The following PRH1 variants were observed in gnomAD, a reference collection of about 807,000 sequenced individuals.
PRH1 encodes proline rich protein HaeIII subfamily 1.
Under a neutral mutation model 7.9 loss-of-function variants are expected in PRH1, and 7 were observed. The ratio of observed to expected loss-of-function variants is 0.89; its 90% CI spans 0.50 to 1.67. The LOEUF (loss-of-function observed/expected upper bound fraction) is 1.67. PRH1 is among the 40% of genes most tolerant of loss of function. The probability of loss-of-function intolerance (pLI) is 0.00; values close to 1 mark genes in which losing one functional copy is unlikely to be tolerated. For missense variants in PRH1, 109 were observed against 223.6 expected (o/e 0.49, Z 3.27); for synonymous variants, 45 against 80.8 (o/e 0.56, Z 2.38).
At chr12:10,896,539 A>C (rs1949647478) in intron 2 of PRH1, among the ~76,000 whole-genome samples, 1 of 152,154 alleles carries the variant, frequency 6.6e-6, no homozygotes, top group Non-Finnish European at 1.5e-5. Flanking sequence ...AGGCAGGTGG[A>C]TCACCTGAGG....
chr12:11,041,288 C>CAAAAAAAAA (rs67144212), intron 1 of PRH1, among the ~76,000 whole-genome samples: 3 of 81,374 alleles, frequency 3.7e-5, no homozygotes, highest in African/African-American at 1.1e-4. Flanking sequence ...CAATGCAAAC[C>CAAAAAAAAA]AAAAAAAAAA....
At position 10,910,594 on chromosome 12, in the gene PRH1, A is replaced by G. The variant is rs112495385; in HGVS notation, c.-58-26319T>C. Among the ~76,000 whole-genome samples, 918 of 152,302 alleles carry G rather than the reference A, an allele frequency of 6.0e-3. 8 individuals are homozygous for G. Among genetic ancestry groups the G allele is most frequent in the African/African-American group, 0.021 (871 of 41,566 alleles). On this transcript the variant is annotated intron_variant, in intron 2 of 3. Transcript: ENST00000539853. Reference sequence around the variant, plus strand: ...ACTGTGGTTGACCTTGGGTCACTGAAACTGCAGATAAGCGGGGACTAATGT... The same window carrying G: ...ACTGTGGTTGACCTTGGGTCACTGAGACTGCAGATAAGCGGGGACTAATGT...
intron 1 of PRH1, among the ~76,000 whole-genome samples, chr12:10,987,783 G>T (rs963095788): frequency 1.3e-5 from 2 of 152,044 alleles, no homozygotes; most frequent in Admixed American, 6.5e-5. Flanking sequence ...TAATGTTTAA[G>T]TATTTATTAT....
chr12:10,923,432 G>A (rs988047784), intron 2 of PRH1, among the ~76,000 whole-genome samples: 3 of 152,110 alleles, frequency 2.0e-5, no homozygotes, highest in Non-Finnish European at 4.4e-5. Context: ...CCCAGCCTTC[G>A]ATGAATTGTT....
rs1012269965 is a variant in PRH1, at chr12:11,091,208, ACAGTATAGAAAAAC to A, written n.124-44034_124-44021del. The A allele has an allele frequency of 1.2e-5, 12 of 1,040,286 alleles. 1 individual carries two copies. In the Middle Eastern group the frequency reaches 6.1e-4, roughly 53 times the overall value. 64.4% of individuals were successfully genotyped at this position (1,040,286 alleles called of 1,614,324 possible). On this transcript the variant is annotated intron_variant and non_coding_transcript_variant, in intron 1 of 4. Coordinates refer to the PRH1 transcript ENST00000541977. ...ACGTTTGGAAATTATTCATACACAT[ACAGTATAGAAAAAC>A]CAGTAAGAAATATAAAATGTTTCAT...
chr12:11,048,254 T>C (rs1942987787), upstream of PRH1: 1 of 157,144 alleles, frequency 6.4e-6, no homozygotes, highest in African/African-American at 2.4e-5. Context: ...GAAAAACGAA[T>C]GGAAATATAA....
intron 1 of PRH1, among the ~76,000 whole-genome samples, chr12:11,057,944 T>C (rs1335210922): frequency 6.6e-6 from 1 of 152,276 alleles, no homozygotes; most frequent in Admixed American, 6.5e-5. Flanking sequence ...ATCATGCTAA[T>C]TTAATATATT....
intron 2 of PRH1, among the ~76,000 whole-genome samples, chr12:10,917,195 C>A (rs2135840218): frequency 6.6e-6 from 1 of 152,194 alleles, no homozygotes; most frequent in South Asian, 2.1e-4. Context: ...CTGTTCCTTG[C>A]CAATTAAGTC....
At chr12:11,144,575 G>T (rs1946808830) in intron 1 of PRH1, among the ~76,000 whole-genome samples, 1 of 152,172 alleles carries the variant, frequency 6.6e-6, no homozygotes, top group African/African-American at 2.4e-5. Flanking sequence ...ACGTCTGCAT[G>T]CCCGATTCAC....
intron 1 of PRH1, chr12:11,134,129 T>C (rs759532307): frequency 6.2e-7 from 1 of 1,614,038 alleles, no homozygotes; most frequent in Admixed American, 1.7e-5. Flanking sequence ...GGAGATCTTT[T>C]GTCTCTTGAC....
At chr12:10,938,296 A>G (rs775561259) in intron 2 of PRH1, 1 of 1,611,348 alleles carries the variant, frequency 6.2e-7, no homozygotes, top group South Asian at 1.1e-5. Context: ...AGGGCTCCCC[A>G]TCTTTGAACA....
At chr12:10,919,453 A>T (rs910475529) in intron 2 of PRH1, among the ~76,000 whole-genome samples, 6 of 152,188 alleles carry the variant, frequency 3.9e-5, no homozygotes, top group Non-Finnish European at 7.3e-5. Context: ...TTTATCAGCA[A>T]ATGTGAACTC....
In PRH1 at chr12:11,088,821, G is replaced by A. The variant is rs764847733; in HGVS notation, n.124-41633C>T. Among the ~76,000 whole-genome samples, 13 of 95,746 alleles carry A rather than the reference G, an allele frequency of 1.4e-4. 5 individuals are homozygous for A. The highest frequency in any genetic ancestry group is 8.6e-3 in the Middle Eastern group (2 of 232). 62.8% of individuals were successfully genotyped at this position (95,746 alleles called of 152,430 possible). ...TTCAAAGATGCTAGAAACATACATA[G>A]TGGTCATTATAGGACTCTGTGCATG... On this transcript the variant is annotated intron_variant and non_coding_transcript_variant, in intron 1 of 4. Coordinates refer to the PRH1 transcript ENST00000541977.
At chr12:10,925,174 A>T (rs1057239880) in intron 2 of PRH1, among the ~76,000 whole-genome samples, 1 of 151,556 alleles carries the variant, frequency 6.6e-6, no homozygotes, top group Non-Finnish European at 1.5e-5. Context: ...TTTTGCTCCA[A>T]CCTCACCCTT....
At chr12:11,029,144 G>A (rs1180133108) in intron 1 of PRH1, among the ~76,000 whole-genome samples, 1 of 149,008 alleles carries the variant, frequency 6.7e-6, no homozygotes, top group South Asian at 2.2e-4. Flanking sequence ...ATCAGGTGGG[G>A]GGATGATTCA....
chr12:10,915,226 T>G (rs1310948807), intron 2 of PRH1, among the ~76,000 whole-genome samples: 1 of 152,218 alleles, frequency 6.6e-6, no homozygotes, highest in Non-Finnish European at 1.5e-5. Flanking sequence ...TCTGACTAGA[T>G]TATATTTACA....
intron 1 of PRH1, among the ~76,000 whole-genome samples, chr12:11,086,219 G>A (rs73064942): frequency 0.51 from 66,014 of 128,806 alleles, 12,389 homozygotes; most frequent in Non-Finnish European, 0.59. Context: ...TGTTTATCAA[G>A]CTTAATGTCT....
chr12:11,060,159 G>C (rs373604600), intron 1 of PRH1, among the ~76,000 whole-genome samples: 1 of 147,514 alleles, frequency 6.8e-6, no homozygotes, highest in Non-Finnish European at 1.5e-5. Context: ...ATACAGTCAT[G>C]TAGAATTTAG....
chr12:11,014,925 G>A (rs1314146366), intron 1 of PRH1, among the ~76,000 whole-genome samples: 1 of 152,044 alleles, frequency 6.6e-6, no homozygotes, highest in Non-Finnish European at 1.5e-5. Context: ...GTGATGGCCT[G>A]GCAGTTGTCA....
Sources: gnomAD v4.1 joint callset for allele counts (sites outside exome capture counted in the v4.1 genomes callset) on GRCh38, gnomAD v4.1.1 for gene constraint, MANE v1.5 for transcripts, NCBI Gene and HGNC (gene_info 2026-07-23, HGNC 2026-07-21) for gene names.